The following MACO1 variants were observed in gnomAD, a reference collection of about 807,000 sequenced individuals.
The protein encoded by MACO1 is macoilin.
A neutral mutation model predicts 78.7 loss-of-function variants in MACO1; 14 were observed. The observed-to-expected ratio is 0.18, with a 90% confidence interval of 0.12 to 0.28. The LOEUF (loss-of-function observed/expected upper bound fraction) is 0.28. MACO1 is among the 10% of genes least tolerant of loss of function. MACO1 has a pLI of 1.00. For missense variants in MACO1, 501 were observed against 799.0 expected (o/e 0.63, Z 4.50); for synonymous variants, 288 against 291.6 (o/e 0.99, Z 0.12).
intron 8 of MACO1, among the ~76,000 whole-genome samples, chr1:25,488,758 T>C (rs1328896128): frequency 6.6e-6 from 1 of 152,226 alleles, no homozygotes. Context: ...TTGCTGTGAT[T>C]ACAGGCGTGA....
rs1216685077 is a variant in MACO1, at chr1:25,431,092, C to T, written c.-7C>T. Reference sequence around the variant, plus strand: ...GCGGCGCGGGCACCCGGCCCCCCAGCGGGAGGATGAAGCGGCGGAACGCCG... The same window carrying T: ...GCGGCGCGGGCACCCGGCCCCCCAGTGGGAGGATGAAGCGGCGGAACGCCG... On this transcript the variant is annotated 5_prime_UTR_variant, in exon 1 of 11. Coordinates refer to ENST00000374343, the MANE Select transcript of MACO1 (RefSeq NM_018202.6). 1.3e-6 allele frequency: 2 copies of T among 1,584,288 alleles called. No homozygotes were observed. Among genetic ancestry groups the T allele is most frequent in the Non-Finnish European group, 1.7e-6 (2 of 1,168,562 alleles).
intron 4 of MACO1, among the ~76,000 whole-genome samples, chr1:25,455,065 C>T (rs1347080050): frequency 2.0e-5 from 3 of 152,146 alleles, no homozygotes; most frequent in Non-Finnish European, 4.4e-5. Context: ...ATGCCAAGCA[C>T]ATAGGTGTCT....
At chr1:25,453,369 A>G (rs891340896) in intron 3 of MACO1, among the ~76,000 whole-genome samples, 7 of 150,244 alleles carry the variant, frequency 4.7e-5, no homozygotes, top group Non-Finnish European at 8.9e-5. Context: ...GATTCTTAGA[A>G]GTGGAATTTC....
intron 1 of MACO1, among the ~76,000 whole-genome samples, chr1:25,435,368 C>G (rs890595909): frequency 6.6e-6 from 1 of 152,116 alleles, no homozygotes; most frequent in African/African-American, 2.4e-5. Context: ...TTATTATTTC[C>G]CATTTTTATT....
intron 4 of MACO1, among the ~76,000 whole-genome samples, chr1:25,454,863 A>G (rs556218467): frequency 5.3e-5 from 8 of 152,314 alleles, no homozygotes; most frequent in African/African-American, 1.9e-4. Flanking sequence ...TAGAAATTTT[A>G]CATGGATCCA....
At chr1:25,490,844 A>C (rs1261659463) in intron 9 of MACO1, among the ~76,000 whole-genome samples, 1 of 152,206 alleles carries the variant, frequency 6.6e-6, no homozygotes, top group African/African-American at 2.4e-5. Flanking sequence ...TAAAAGAAAT[A>C]TTAAATTTTT....
intron 10 of MACO1, among the ~76,000 whole-genome samples, chr1:25,492,367 G>A (rs1042547046): frequency 3.9e-5 from 6 of 152,120 alleles, no homozygotes; most frequent in African/African-American, 1.4e-4. Flanking sequence ...ATGTGGCAGG[G>A]GTCTCCCTTT....
At chr1:25,446,426 G>C (rs527539969) in intron 1 of MACO1, among the ~76,000 whole-genome samples, 1 of 152,324 alleles carries the variant, frequency 6.6e-6, no homozygotes, top group South Asian at 2.1e-4. Context: ...AAAACAGCTT[G>C]AAAGCTGTAA....
intron 3 of MACO1, among the ~76,000 whole-genome samples, chr1:25,451,655 C>T (rs1468803689): frequency 6.6e-6 from 1 of 152,042 alleles, no homozygotes; most frequent in Non-Finnish European, 1.5e-5. Flanking sequence ...ACCTGCAATC[C>T]CAGCACTTTG....
At chr1:25,494,142 G>A (rs1000280780) in intron 10 of MACO1, among the ~76,000 whole-genome samples, 3 of 152,192 alleles carry the variant, frequency 2.0e-5, no homozygotes, top group Admixed American at 6.5e-5. Context: ...AAGAAGGGAA[G>A]TAATGTCTCA....
chr1:25,494,277 G>A (rs1479335906), intron 10 of MACO1, among the ~76,000 whole-genome samples: 9 of 152,218 alleles, frequency 5.9e-5, no homozygotes, highest in African/African-American at 1.9e-4. Flanking sequence ...AAAGGCCAGA[G>A]GAAGATCAGG....
intron 8 of MACO1, 104 bp from the exon 9 acceptor site, chr1:25,489,069 C>T: frequency 1.4e-6 from 2 of 1,391,374 alleles, no homozygotes; most frequent in Non-Finnish European, 1.9e-6. Flanking sequence ...AATCTGCCTG[C>T]CTCGGCCTCC....
chr1:25,440,107 G>A (rs2042956449), intron 1 of MACO1, among the ~76,000 whole-genome samples: 1 of 151,716 alleles, frequency 6.6e-6, no homozygotes. Flanking sequence ...ATTAAAACTG[G>A]CTGGATGTGG....
chr1:25,456,746 G>C lies in MACO1; in HGVS notation c.567G>C (p.Glu189Asp), dbSNP rs2043124920. 1 of 1,614,000 alleles carries C rather than the reference G, an allele frequency of 6.2e-7. No homozygotes were observed. Among genetic ancestry groups the C allele is most frequent in the Non-Finnish European group, 8.5e-7 (1 of 1,179,960 alleles). ...GGAAGCAAAAAGAAGTACAAAAAGA[G>C]AACGAGTTTTACATGCAACTTCTTC... The part of the protein sequence containing the change: ...RLRKQKEVQK[E>D]NEFYMQLLQQ... The change falls in exon 5 of 11, where the codon GAG (glutamate) becomes GAC (aspartate). Residue 189 changes from glutamate (E) to aspartate (D), a missense_variant. Glu to Asp is a conservative substitution (Grantham distance 45). Transcript: ENST00000374343.
intron 6 of MACO1, among the ~76,000 whole-genome samples, chr1:25,481,704 C>G (rs1161606454): frequency 1.3e-5 from 2 of 152,170 alleles, no homozygotes; most frequent in Non-Finnish European, 2.9e-5. Context: ...GGTATAAATG[C>G]CGATCTGTAA....
At chr1:25,454,984 G>C (rs1262449492) in intron 4 of MACO1, among the ~76,000 whole-genome samples, 1 of 152,068 alleles carries the variant, frequency 6.6e-6, no homozygotes, top group Non-Finnish European at 1.5e-5. Flanking sequence ...CTGCCTCTAA[G>C]CCATGGTTTT....
At chr1:25,431,914 CTT>C (rs63096061) in intron 1 of MACO1, among the ~76,000 whole-genome samples, 81 of 147,442 alleles carry the variant, frequency 5.5e-4, no homozygotes, top group East Asian at 2.2e-3. Flanking sequence ...TCTCCAAACT[CTT>C]TTTTTTTTTT....
At chr1:25,474,729 A>C (rs1412862067) in intron 6 of MACO1, among the ~76,000 whole-genome samples, 1 of 152,222 alleles carries the variant, frequency 6.6e-6, no homozygotes, top group Non-Finnish European at 1.5e-5. Flanking sequence ...CTTCTTCTAC[A>C]TCAAGATATT....
chr1:25,446,610 C>A, intron 1 of MACO1, 152 bp from the exon 2 acceptor site: 1 of 716,062 alleles, frequency 1.4e-6, no homozygotes, highest in Non-Finnish European at 2.1e-6. Context: ...TGCAGATGGG[C>A]CACGGCAGCA....
Sources: allele counts gnomAD v4.1 joint callset (sites outside exome capture counted in the v4.1 genomes callset), GRCh38; gene constraint gnomAD v4.1.1; transcripts MANE v1.5; gene names NCBI Gene and HGNC (gene_info 2026-07-23, HGNC 2026-07-21).